The following CATSPERB variants were observed in gnomAD, a reference collection of about 807,000 sequenced individuals.
CATSPERB encodes cation channel sperm-associated auxiliary subunit beta.
CATSPERB carries 93 observed loss-of-function variants against 128.3 expected under a neutral mutation model. The observed-to-expected ratio is 0.72, with a 90% CI of 0.61 to 0.86. CATSPERB has a LOEUF of 0.86. Ranked by LOEUF, CATSPERB falls within the 40% of genes least tolerant of loss-of-function variation. The pLI, the probability that CATSPERB is intolerant of heterozygous loss-of-function variation, is 0.00. For synonymous variants in CATSPERB, 381 were observed against 448.8 expected (o/e 0.85, Z 1.91); for missense variants, 1,153 against 1,329.5 (o/e 0.87, Z 2.06).
chr14:91,596,658 T>A (rs1441689282), intron 22 of CATSPERB, among the ~76,000 whole-genome samples: 1 of 152,328 alleles, frequency 6.6e-6, no homozygotes, highest in East Asian at 1.9e-4. Flanking sequence ...ATAACAATTA[T>A]GATTATTACT....
chr14:91,697,817 C>A (rs904454485), intron 7 of CATSPERB, among the ~76,000 whole-genome samples: 2 of 152,158 alleles, frequency 1.3e-5, no homozygotes, highest in African/African-American at 4.8e-5. Flanking sequence ...TAATGTGATA[C>A]CTCAGGCTTT....
intron 19 of CATSPERB, among the ~76,000 whole-genome samples, chr14:91,619,731 T>C (rs911240460): frequency 8.5e-5 from 13 of 152,114 alleles, no homozygotes; most frequent in African/African-American, 3.1e-4. Context: ...TTTCCTTACA[T>C]AGTTTTAAAG....
intron 17 of CATSPERB, among the ~76,000 whole-genome samples, chr14:91,625,476 A>G (rs1360776118): frequency 6.6e-6 from 1 of 152,230 alleles, no homozygotes; most frequent in Non-Finnish European, 1.5e-5. Flanking sequence ...AGAAATGTCA[A>G]TAAAAAAACT....
chr14:91,603,168 T>G, intron 22 of CATSPERB: 1 of 790,560 alleles, frequency 1.3e-6, no homozygotes, highest in Non-Finnish European at 2.3e-6. Context: ...TATCTTTTAC[T>G]ATACCTTTCA....
At chr14:91,608,125 G>C (rs376593156) in intron 22 of CATSPERB, among the ~76,000 whole-genome samples, 169 bp downstream of exon 22, 2 of 152,158 alleles carry the variant, frequency 1.3e-5, no homozygotes, top group African/African-American at 4.8e-5. Flanking sequence ...CTGTATTCAG[G>C]AATAGCTGTA....
At chr14:91,615,517 G>A (rs954556907) in intron 20 of CATSPERB, among the ~76,000 whole-genome samples, 1 of 152,126 alleles carries the variant, frequency 6.6e-6, no homozygotes, top group Non-Finnish European at 1.5e-5. Context: ...CAATTTTTTA[G>A]ATTTCACATA....
chr14:91,673,272 C>T (rs1463754018), intron 12 of CATSPERB, among the ~76,000 whole-genome samples: 4 of 138,978 alleles, frequency 2.9e-5, no homozygotes, highest in Non-Finnish European at 4.8e-5. Flanking sequence ...GATCACTGCA[C>T]CCAGATAATG....
intron 17 of CATSPERB, among the ~76,000 whole-genome samples, chr14:91,633,507 A>G (rs906768472): frequency 6.6e-6 from 1 of 152,188 alleles, no homozygotes; most frequent in African/African-American, 2.4e-5. Flanking sequence ...GAAAAATTAC[A>G]GGTAAACTTC....
intron 24 of CATSPERB, among the ~76,000 whole-genome samples, chr14:91,589,159 C>T (rs777821254): frequency 6.6e-6 from 1 of 152,154 alleles, no homozygotes. Context: ...AAGACAGATC[C>T]TAAAGATTAT....
At chr14:91,632,215 T>C (rs1026904137) in intron 17 of CATSPERB, among the ~76,000 whole-genome samples, 3 of 152,092 alleles carry the variant, frequency 2.0e-5, no homozygotes, top group African/African-American at 7.2e-5. Flanking sequence ...ATGACAGATA[T>C]ACAAAGCAGG....
chr14:91,658,601 A>G, intron 15 of CATSPERB, among the ~76,000 whole-genome samples: 1 of 149,256 alleles, frequency 6.7e-6, no homozygotes, highest in East Asian at 2.0e-4. Flanking sequence ...TACCCCATTT[A>G]CCCCGATATG....
In CATSPERB at chr14:91,725,092, G is replaced by A. The variant is rs761766087; in HGVS notation, c.156C>T (p.Phe52=). ...QENEIIKLYL[F]LENLKIQCFF... is the part of the protein sequence containing the mutation. The stretch of plus-strand genomic sequence containing the variant: ...TAGTGGACCTTACCAAGTTTTCTAA[G>A]AAAAGATACAACTTGATTATTTCAT... The change falls in exon 3 of 27, where the codon TTC becomes TTT. Residue 52 remains phenylalanine, a synonymous_variant. Coordinates refer to ENST00000256343, the MANE Select transcript of CATSPERB (RefSeq NM_024764.4). 1.0e-5 allele frequency: 16 copies of A among 1,571,056 alleles called. No individual in the cohort carries two copies. The highest frequency in any genetic ancestry group is 1.4e-5 in the Non-Finnish European group (16 of 1,159,246).
At chr14:91,647,778 GGAGCTACAATTCAAGGTGA>G (rs1218865729) in intron 15 of CATSPERB, among the ~76,000 whole-genome samples, 5 of 152,138 alleles carry the variant, frequency 3.3e-5, no homozygotes, top group African/African-American at 1.2e-4. Flanking sequence ...GGGGATTATG[GGAGCTACAATTCAAGGTGA>G]GATTTAGTTG....
At chr14:91,681,600 T>C (rs769283333) in intron 11 of CATSPERB, among the ~76,000 whole-genome samples, 11 of 152,184 alleles carry the variant, frequency 7.2e-5, no homozygotes, top group Non-Finnish European at 1.2e-4. Flanking sequence ...AATTAAACAA[T>C]ACATACACCA....
At position 91,594,432 on chromosome 14, in the gene CATSPERB, C is replaced by A. The variant is rs914758259; in HGVS notation, c.2710-2430G>T. ...ACATGGCACATGTATACATATGTGA[C>A]AAACCTGCACGTTGTGCACATGTAC... is the stretch of plus-strand genomic sequence containing the variant. On this transcript the variant is annotated intron_variant, in intron 22 of 26. Transcript: ENST00000256343. 4.0e-5 allele frequency among the ~76,000 whole-genome samples: 6 copies of A among 149,410 alleles called. No individual in the cohort carries two copies. In the East Asian group the frequency reaches 5.9e-4, roughly 15 times the overall value.
intron 25 of CATSPERB, 85 bp from the exon 26 acceptor site, chr14:91,587,361 T>G: frequency 2.2e-6 from 2 of 898,480 alleles, no homozygotes; most frequent in Non-Finnish European, 3.3e-6. Context: ...CTGGGGCCAC[T>G]GTCCCTATAG....
rs566170550 is a variant in CATSPERB at position 91,696,532 on chromosome 14, T to C, written c.617-3053A>G. Among the ~76,000 whole-genome samples the C allele has an allele frequency of 2.0e-5, 3 of 152,190 alleles. No homozygotes were observed. In the East Asian group the frequency reaches 5.8e-4, roughly 29 times the overall value. ...AGTCTGATTTGTAGTGGAAAGAAGA[T>C]AAAATGGGAGGTGGAAAAACAGCAT... On this transcript the variant is annotated intron_variant, in intron 7 of 26. Transcript: ENST00000256343.
At chr14:91,589,065 C>T (rs143988535) in intron 24 of CATSPERB, among the ~76,000 whole-genome samples, 28 of 152,268 alleles carry the variant, frequency 1.8e-4, no homozygotes, top group Non-Finnish European at 2.4e-4. Flanking sequence ...TAGGGGTAAA[C>T]ATCTTATTTA....
chr14:91,728,437 T>C (rs977568442), intron 2 of CATSPERB, among the ~76,000 whole-genome samples: 2 of 152,146 alleles, frequency 1.3e-5, no homozygotes, highest in African/African-American at 4.8e-5. Context: ...CTAACACTTG[T>C]CTCATTGCAA....
Sources: gnomAD v4.1 joint callset for allele counts (sites outside exome capture counted in the v4.1 genomes callset) on GRCh38, gnomAD v4.1.1 for gene constraint, MANE v1.5 for transcripts, NCBI Gene and HGNC (gene_info 2026-07-23, HGNC 2026-07-21) for gene names.